Variants in GASK1A observed in about 807,000 individuals in gnomAD.
GASK1A encodes the protein Golgi-associated kinase 1A.
Under a neutral mutation model 41.2 loss-of-function variants are expected in GASK1A, and 40 were observed. The observed-to-expected ratio is 0.97, with a 90% CI of 0.75 to 1.27. The LOEUF is 1.27. Among genes scored for constraint, GASK1A ranks in the 50% most tolerant of loss-of-function variants. The probability of loss-of-function intolerance (pLI) is 0.00; values close to 1 mark genes in which losing one functional copy is unlikely to be tolerated. For synonymous variants in GASK1A, 316 were observed against 307.1 expected (o/e 1.03, Z -0.30); for missense variants, 678 against 745.1 (o/e 0.91, Z 1.05).
At chr3:43,016,248 A>C (rs1020171381) in intron 1 of GASK1A, among the ~76,000 whole-genome samples, 2 of 150,188 alleles carry the variant, frequency 1.3e-5, no homozygotes, top group Admixed American at 1.3e-4. Context: ...AAGAAGGGGA[A>C]GTGTGAGGAC....
chr3:43,032,651 C>G lies in GASK1A; in HGVS notation c.388C>G (p.Leu130Val). The change falls in exon 2 of 5, where the codon CTC becomes GTC. Residue 130 changes from leucine (L) to valine (V), a missense_variant. Coordinates refer to ENST00000430121, the MANE Select transcript of GASK1A (RefSeq NM_001129908.3). ...CATTACTTTGTCAGGACATCCAAGA[C>G]TCAGTACTCAGCATGTTGTGCTCCT... ...RDITLSGHPRLSTQHVVLLRE... is the reference protein window; with the variant it reads ...RDITLSGHPRVSTQHVVLLRE... 2 of 1,551,734 alleles carry G rather than the reference C, an allele frequency of 1.3e-6. 1 individual carries two copies. Among genetic ancestry groups the G allele is most frequent in the South Asian group, 2.4e-5 (2 of 84,062 alleles).
intron 1 of GASK1A, among the ~76,000 whole-genome samples, chr3:43,010,097 C>A (rs1308456933): frequency 6.6e-6 from 1 of 152,186 alleles, no homozygotes; most frequent in African/African-American, 2.4e-5. Context: ...CTCTGGATTC[C>A]CACACTGGTT....
At position 43,055,656 on chromosome 3, in the gene GASK1A, G is replaced by A. The variant is rs1253898740; in HGVS notation, c.1517+121G>A. ...CACAGTCCATCAGACAGAAGTTATT[G>A]GATCAGAACTTTAGGCGGTGGTGGG... is the stretch of plus-strand genomic sequence containing the variant. On this transcript the variant is annotated intron_variant, in intron 4 of 4. Transcript: ENST00000430121. 6.9e-6 allele frequency: 5 copies of A among 723,174 alleles called. No homozygotes were observed. The East Asian group carries it at 1.4e-4, about 20-fold the overall frequency. The allele number at this position is 723,174 out of a possible 1,614,324, so 44.8% of individuals were successfully genotyped here. A position where few individuals can be genotyped will look rare whatever the true frequency, so the allele number is the denominator to read the frequency against.
rs144855919 is a variant in GASK1A at position 43,036,274 on chromosome 3, G to A, written c.1290+2721G>A. 5.6e-3 allele frequency among the ~76,000 whole-genome samples: 847 copies of A among 152,288 alleles called. 7 individuals are homozygous for A. Among genetic ancestry groups the A allele is most frequent in the African/African-American group, 0.02 (811 of 41,548 alleles). On this transcript the variant is annotated intron_variant, in intron 2 of 4. Coordinates refer to ENST00000430121, the MANE Select transcript of GASK1A (RefSeq NM_001129908.3). ...ATGCCAGTCAAGTCAAGCACCCCCC[G>A]TCTGGCTAATGCCACCTTCTTAGAA... is the stretch of plus-strand genomic sequence containing the variant.
intron 1 of GASK1A, among the ~76,000 whole-genome samples, chr3:42,986,761 C>G (rs138574683): frequency 5.3e-4 from 80 of 152,096 alleles, no homozygotes; most frequent in Non-Finnish European, 9.6e-4. Context: ...TTTTAGAGAG[C>G]GGTTTTGGAG....
intron 1 of GASK1A, among the ~76,000 whole-genome samples, chr3:43,024,641 C>G (rs548423073): frequency 1.8e-4 from 27 of 152,280 alleles, no homozygotes; most frequent in African/African-American, 6.5e-4. Context: ...GAGCCCTCTT[C>G]ACCAGCAGAC....
At chr3:42,988,824 G>C (rs1024365494) in intron 1 of GASK1A, among the ~76,000 whole-genome samples, 5 of 152,206 alleles carry the variant, frequency 3.3e-5, no homozygotes, top group Admixed American at 6.5e-5. Flanking sequence ...TGTCCCTAAT[G>C]TCAGCTCTGT....
chr3:43,000,588 C>G (rs1261113804), intron 1 of GASK1A, among the ~76,000 whole-genome samples: 1 of 152,224 alleles, frequency 6.6e-6, no homozygotes, highest in African/African-American at 2.4e-5. Flanking sequence ...GGCGAACATT[C>G]CCTTGGCCGA....
At chr3:43,027,331 T>C (rs1029915180) in intron 1 of GASK1A, among the ~76,000 whole-genome samples, 5 of 152,320 alleles carry the variant, frequency 3.3e-5, no homozygotes, top group African/African-American at 4.8e-5. Flanking sequence ...ATCGAATGTA[T>C]ACGCTTCCTA....
intron 1 of GASK1A, among the ~76,000 whole-genome samples, chr3:43,020,061 C>T (rs1273663717): frequency 1.3e-5 from 2 of 152,164 alleles, no homozygotes; most frequent in East Asian, 1.9e-4. Flanking sequence ...CAGCCAACTG[C>T]AGTCATATTT....
At chr3:43,055,274 G>A (rs2089710228) in intron 3 of GASK1A, among the ~76,000 whole-genome samples, 158 bp from the exon 4 acceptor site, 1 of 152,192 alleles carries the variant, frequency 6.6e-6, no homozygotes. Context: ...ACAGTGCCCA[G>A]CATAGAGTAA....
chr3:43,037,130 A>T, intron 2 of GASK1A: 1 of 844,516 alleles, frequency 1.2e-6, no homozygotes. Context: ...CAAACCAGGC[A>T]GCGATTCAGG....
chr3:43,037,390 C>G (rs1170110566), intron 2 of GASK1A: 1 of 962,564 alleles, frequency 1.0e-6, no homozygotes, highest in East Asian at 2.4e-5. Context: ...GCACTAAGTA[C>G]AGACAGCCCT....
intron 2 of GASK1A, among the ~76,000 whole-genome samples, chr3:43,039,768 A>G (rs2089626412): frequency 6.6e-6 from 1 of 152,112 alleles, no homozygotes; most frequent in African/African-American, 2.4e-5. Flanking sequence ...GCTCCCACTT[A>G]TAAGTGAGAA....
In GASK1A at chr3:43,033,214, T is replaced by G. The variant is rs2089588203; in HGVS notation, c.951T>G (p.Cys317Trp). Reference sequence around the variant, plus strand: ...GCCAACTCTGTTCCCAAGGGCTCTGTGGCCTGATCAAGAGGCCTGGGGACC... The same window carrying G: ...GCCAACTCTGTTCCCAAGGGCTCTGGGGCCTGATCAAGAGGCCTGGGGACC... ...RLSQLCSQGL[C>W]GLIKRPGDLP... The change falls in exon 2 of 5, where the codon TGT becomes TGG. Residue 317 changes from cysteine to tryptophan, a missense_variant. By Grantham distance (215) the Cys-to-Trp change is radical. Transcript: ENST00000430121. 6.4e-7 allele frequency: 1 copy of G among 1,551,550 alleles called. No individual in the cohort carries two copies. The highest frequency in any genetic ancestry group is 8.7e-7 in the Non-Finnish European group (1 of 1,146,980).
At chr3:43,017,497 G>A (rs2089498482) in intron 1 of GASK1A, among the ~76,000 whole-genome samples, 1 of 149,288 alleles carries the variant, frequency 6.7e-6, no homozygotes, top group African/African-American at 2.5e-5. Flanking sequence ...CACAGGGGCT[G>A]TGTCAAGCTA....
intron 1 of GASK1A, among the ~76,000 whole-genome samples, chr3:43,004,833 G>T (rs1328050617): frequency 1.3e-5 from 2 of 152,338 alleles, no homozygotes; most frequent in African/African-American, 4.8e-5. Flanking sequence ...GAACTTGTTG[G>T]TTTAAAACGA....
intron 1 of GASK1A, among the ~76,000 whole-genome samples, chr3:43,005,227 C>T (rs191012552): frequency 8.4e-4 from 128 of 152,332 alleles, no homozygotes; most frequent in Non-Finnish European, 2.9e-4. Context: ...CATAAGGTAA[C>T]TTGTTCACAG....
At chr3:43,023,989 G>A (rs1575444811) in intron 1 of GASK1A, among the ~76,000 whole-genome samples, 1 of 152,190 alleles carries the variant, frequency 6.6e-6, no homozygotes. Flanking sequence ...ATTGTCTGCT[G>A]TGGGGGCAGC....
Sources: allele counts gnomAD v4.1 joint callset (sites outside exome capture counted in the v4.1 genomes callset), GRCh38; gene constraint gnomAD v4.1.1; transcripts MANE v1.5; gene names NCBI Gene and HGNC (gene_info 2026-07-23, HGNC 2026-07-21).